The following ADGRL3 variants were observed in gnomAD, a reference collection of about 807,000 sequenced individuals.
The protein encoded by ADGRL3 is adhesion G protein-coupled receptor L3, also known as calcium-independent alpha-latrotoxin receptor 3.
Under a neutral mutation model 153.5 loss-of-function variants are expected in ADGRL3, and 62 were observed. The ratio of observed to expected loss-of-function variants is 0.40; its 90% CI spans 0.33 to 0.50. ADGRL3 has a LOEUF of 0.50. Ranked by LOEUF, ADGRL3 falls within the 20% of genes least tolerant of loss-of-function variation. ADGRL3 has a pLI of 0.47. For synonymous variants in ADGRL3, 710 were observed against 672.5 expected, an observed-to-expected ratio of 1.06 and a Z score of -0.86; for missense variants, 1,641 against 1,859.4, an observed-to-expected ratio of 0.88 and a Z score of 2.16.
chr4:61,662,863 T>C (rs528850029), intron 5 of ADGRL3, among the ~76,000 whole-genome samples: 1 of 152,302 alleles, frequency 6.6e-6, no homozygotes, highest in Non-Finnish European at 1.5e-5. Context: ...TGCTACCCAC[T>C]GTGGGTCTCC....
chr4:61,668,808 A>G (rs923243040), intron 5 of ADGRL3, among the ~76,000 whole-genome samples: 10 of 152,132 alleles, frequency 6.6e-5, no homozygotes, highest in Admixed American at 2.6e-4. Context: ...GCTTGAGCCC[A>G]GGAGTTTGAG....
intron 1 of ADGRL3, among the ~76,000 whole-genome samples, chr4:61,203,972 A>G (rs1450901574): frequency 6.6e-6 from 1 of 151,662 alleles, no homozygotes. Context: ...AACACAGTTT[A>G]TAAAGTGTTA....
intron 1 of ADGRL3, among the ~76,000 whole-genome samples, chr4:61,256,509 A>G (rs1560389825): frequency 6.6e-6 from 1 of 152,160 alleles, no homozygotes; most frequent in Non-Finnish European, 1.5e-5. Context: ...ATGAGCCAGT[A>G]AAAGGACTTG....
At chr4:62,011,948 A>G (rs1012727858) in intron 21 of ADGRL3, among the ~76,000 whole-genome samples, 1 of 151,822 alleles carries the variant, frequency 6.6e-6, no homozygotes, top group Non-Finnish European at 1.5e-5. Flanking sequence ...TTTTTTTCCT[A>G]ACATAGCTTT....
At chr4:61,768,161 GACT>G (rs1391001413) in intron 8 of ADGRL3, among the ~76,000 whole-genome samples, 4 of 152,114 alleles carry the variant, frequency 2.6e-5, no homozygotes, top group Non-Finnish European at 4.4e-5. Flanking sequence ...CATTAACCTT[GACT>G]ATGCCTTTGG....
intron 11 of ADGRL3, among the ~76,000 whole-genome samples, chr4:61,905,808 T>C (rs955394498): frequency 2.0e-5 from 3 of 151,134 alleles, no homozygotes; most frequent in African/African-American, 7.3e-5. Context: ...GGCATGAGAA[T>C]CACTTGAACT....
chr4:61,601,743 T>C (rs2099012722), intron 5 of ADGRL3, among the ~76,000 whole-genome samples: 1 of 152,198 alleles, frequency 6.6e-6, no homozygotes, highest in South Asian at 2.1e-4. Flanking sequence ...GCCGTTCTGC[T>C]AAGGAAGACA....
At chr4:61,562,302 TG>T (rs1295795016) in intron 4 of ADGRL3, among the ~76,000 whole-genome samples, 5 of 152,094 alleles carry the variant, frequency 3.3e-5, no homozygotes, top group African/African-American at 1.2e-4. Context: ...TTAATCAGGG[TG>T]GTGGTGAAGG....
At position 61,587,736 on chromosome 4, in the gene ADGRL3, G is replaced by A. The variant is rs563369594; in HGVS notation, c.473+296G>A. 2.8e-4 allele frequency among the ~76,000 whole-genome samples: 43 copies of A among 152,012 alleles called. No individual in the cohort carries two copies. In the South Asian group the frequency reaches 8.5e-3, roughly 30 times the overall value. On this transcript the variant is annotated intron_variant, in intron 5 of 26. Transcript: ENST00000683033. ...TTCATTACATGAGAGAAGAATAAAT[G>A]TATTTTTCACAATTTGCAAAAATAA...
chr4:61,450,801 A>G (rs1391296856), intron 2 of ADGRL3, among the ~76,000 whole-genome samples: 1 of 152,158 alleles, frequency 6.6e-6, no homozygotes, highest in South Asian at 2.1e-4. Context: ...ATAATAAGAT[A>G]TATTTGAGAA....
chr4:61,428,092 C>T (rs1266718223), intron 2 of ADGRL3: 1 of 152,710 alleles, frequency 6.5e-6, no homozygotes, highest in African/African-American at 2.4e-5. Flanking sequence ...CCTCGGAATC[C>T]TGTTGACTAC....
At chr4:61,611,241 A>C (rs2091305184) in intron 5 of ADGRL3, among the ~76,000 whole-genome samples, 2 of 152,122 alleles carry the variant, frequency 1.3e-5, no homozygotes, top group African/African-American at 4.8e-5. Flanking sequence ...TGAGATGCGG[A>C]AGAACCCTTA....
intron 1 of ADGRL3, among the ~76,000 whole-genome samples, chr4:61,350,162 A>G (rs1325323936): frequency 6.6e-6 from 1 of 152,150 alleles, no homozygotes; most frequent in Non-Finnish European, 1.5e-5. Context: ...TATCAGTTAG[A>G]GAAAATAATT....
chr4:61,521,748 C>T (rs1264156846), intron 4 of ADGRL3, among the ~76,000 whole-genome samples: 1 of 151,894 alleles, frequency 6.6e-6, no homozygotes, highest in African/African-American at 2.4e-5. Flanking sequence ...ATGAGTGTAC[C>T]ATTTACTGAG....
At chr4:61,462,067 A>G (rs2097826642) in intron 2 of ADGRL3, among the ~76,000 whole-genome samples, 1 of 152,204 alleles carries the variant, frequency 6.6e-6, no homozygotes, top group African/African-American at 2.4e-5. Flanking sequence ...TATAAAATTT[A>G]AACCTGACCT....
chr4:61,620,309 G>T (rs1434781559), intron 5 of ADGRL3, among the ~76,000 whole-genome samples: 1 of 152,156 alleles, frequency 6.6e-6, no homozygotes. Context: ...TTGGAAACTG[G>T]AAGGTAGATG....
chr4:61,651,360 A>G (rs977448904), intron 5 of ADGRL3, among the ~76,000 whole-genome samples: 3 of 152,156 alleles, frequency 2.0e-5, no homozygotes, highest in African/African-American at 7.2e-5. Flanking sequence ...AAATATATGT[A>G]TATTATTTCC....
At chr4:61,750,861 C>A (rs933190828) in intron 8 of ADGRL3, among the ~76,000 whole-genome samples, 1 of 150,986 alleles carries the variant, frequency 6.6e-6, no homozygotes, top group Non-Finnish European at 1.5e-5. Context: ...GCAACAAGGA[C>A]ATGTGAATCT....
Position 61,909,642 on chromosome 4 carries a change from C to T in ADGRL3, c.1970C>T (p.Thr657Ile), listed in dbSNP as rs1289829050. 6.2e-7 allele frequency: 1 copy of T among 1,612,686 alleles called. No individual in the cohort carries two copies. Among genetic ancestry groups the T allele is most frequent in the South Asian group, 1.1e-5 (1 of 90,736 alleles). Residue 657 changes from threonine (T) to isoleucine (I), a missense_variant, in exon 12 of 27, where the codon ACC (threonine) becomes ATC (isoleucine). Around this residue, in one of 5 missense-constraint regions of ADGRL3, gnomAD observed 734 missense variants for 797.0 expected, o/e 0.92. Transcript: ENST00000683033. ...AATCACTTGAATGCTGGGGACATCA[C>T]CTACTCTGTCCGGGCCATGGACCAG... ...TRNHLNAGDITYSVRAMDQLV... is the reference protein window; with the variant it reads ...TRNHLNAGDIIYSVRAMDQLV...
Sources: allele counts gnomAD v4.1 joint callset (sites outside exome capture counted in the v4.1 genomes callset), GRCh38; gene constraint gnomAD v4.1.1; regional missense constraint gnomAD v4.1.1; transcripts MANE v1.5; gene names NCBI Gene and HGNC (gene_info 2026-07-23, HGNC 2026-07-21).